REV1: variants seen among roughly 807,000 people sequenced by gnomAD.
REV1 encodes translesion synthesis protein REV1.
In REV1, 42 loss-of-function variants were observed where a neutral mutation model predicts 137.4. That is an observed-to-expected ratio of 0.31 (90% CI 0.24 to 0.40). The LOEUF is 0.40. Among genes scored for constraint, REV1 ranks in the 10% least tolerant of loss-of-function variants. REV1 has a pLI of 1.00. For missense variants in REV1, 1,282 were observed against 1,490.1 expected (o/e 0.86, Z 2.30); for synonymous variants, 524 against 519.2 (o/e 1.01, Z -0.12).
intron 9 of REV1, among the ~76,000 whole-genome samples, chr2:99,425,760 G>A (rs971028522): frequency 6.6e-6 from 1 of 152,178 alleles, no homozygotes; most frequent in African/African-American, 2.4e-5. Context: ...TATAAGGCCG[G>A]GCACAGTGGC....
In REV1 at chr2:99,432,209, G is replaced by T. The variant is rs771180203; in HGVS notation, c.1438+2123C>A. ...GATGGATGAGATACCCTGGTTGCAC[G>T]GGGCTAATTAAAGAGTTTTTGGATA... On this transcript the variant is annotated intron_variant, in intron 8 of 22. Transcript: ENST00000258428. Among the ~76,000 whole-genome samples the T allele has an allele frequency of 3.3e-5, 5 of 152,112 alleles. 1 individual carries two copies. The highest frequency in any genetic ancestry group is 1.2e-4 in the African/African-American group (5 of 41,424).
At chr2:99,434,503 T>C (rs565678468) in intron 7 of REV1, 55 bp from the exon 8 acceptor site, 9 of 1,190,962 alleles carry the variant, frequency 7.6e-6, no homozygotes, top group Non-Finnish European at 9.3e-6. Context: ...GTTAACAACA[T>C]GTAAGCAAAA....
At chr2:99,408,337 TG>T (rs1676629670) in intron 14 of REV1, 3 of 370,154 alleles carry the variant, frequency 8.1e-6, no homozygotes, top group African/African-American at 4.2e-5. Context: ...AGAAAAATTA[TG>T]GAACACTAGA....
At position 99,446,525 on chromosome 2, in the gene REV1, C is replaced by T. The variant is rs565119764; in HGVS notation, c.350+2811G>A. Among the ~76,000 whole-genome samples the T allele has an allele frequency of 3.4e-3, 518 of 152,216 alleles. 3 individuals are homozygous for T. Among genetic ancestry groups the T allele is most frequent in the African/African-American group, 0.011 (445 of 41,520 alleles). Reference sequence around the variant, plus strand: ...CTTTTTCTTTTTTTTGAGACAGTCTCGCTCTACCACCCAGGCTGGAGTGTA... The same window carrying T: ...CTTTTTCTTTTTTTTGAGACAGTCTTGCTCTACCACCCAGGCTGGAGTGTA... On this transcript the variant is annotated intron_variant, in intron 4 of 22. Coordinates refer to ENST00000258428, the MANE Select transcript of REV1 (RefSeq NM_016316.4).
chr2:99,404,738 G>A, intron 17 of REV1, 61 bp from the exon 18 acceptor site: 1 of 1,072,270 alleles, frequency 9.3e-7, no homozygotes, highest in East Asian at 2.4e-5. Flanking sequence ...AGGTGTTTGG[G>A]AGTTAACACG....
chr2:99,420,493 A>G (rs762577592), intron 11 of REV1, among the ~76,000 whole-genome samples: 2 of 152,172 alleles, frequency 1.3e-5, no homozygotes, highest in African/African-American at 2.4e-5. Context: ...TGCCTTTCTG[A>G]AAAAAACCCT....
chr2:99,420,470 C>T (rs1399479028), intron 11 of REV1, among the ~76,000 whole-genome samples: 2 of 152,220 alleles, frequency 1.3e-5, no homozygotes, highest in Non-Finnish European at 2.9e-5. Flanking sequence ...AAAGTGTTTC[C>T]TCAGCCCTGC....
At chr2:99,481,391 A>T (rs895200833) in intron 1 of REV1, among the ~76,000 whole-genome samples, 1 of 151,434 alleles carries the variant, frequency 6.6e-6, no homozygotes, top group Non-Finnish European at 1.5e-5. Context: ...TTGTATCAAT[A>T]AAAAAAATGT....
intron 1 of REV1, among the ~76,000 whole-genome samples, chr2:99,471,889 TAAAAAAA>T (rs947603744): frequency 1.1e-5 from 1 of 93,428 alleles, no homozygotes; most frequent in African/African-American, 4.0e-5. Flanking sequence ...TAGCTACTAT[TAAAAAAA>T]AAAAAAAAAA....
At chr2:99,457,898 G>C (rs557913710) in intron 3 of REV1, among the ~76,000 whole-genome samples, 9 of 151,794 alleles carry the variant, frequency 5.9e-5, no homozygotes, top group African/African-American at 2.2e-4. Flanking sequence ...ACCAAAATAT[G>C]CCTAACTGAC....
chr2:99,443,805 C>A (rs377407501), intron 4 of REV1, among the ~76,000 whole-genome samples: 2 of 151,872 alleles, frequency 1.3e-5, no homozygotes, highest in Non-Finnish European at 2.9e-5. Flanking sequence ...CCCTAAAATT[C>A]GACTATTTTT....
At chr2:99,435,967 A>T in intron 6 of REV1, 26 bp from the exon 7 acceptor site, 1 of 1,279,048 alleles carries the variant, frequency 7.8e-7, no homozygotes. Context: ...CAGCATTCAA[A>T]CCCCAAGCTA....
chr2:99,438,698 G>A lies in REV1; in HGVS notation c.1116C>T (p.Val372=). The change falls in exon 6 of 23, where the codon GTC becomes GTT. Residue 372 remains valine (V), a synonymous_variant. Coordinates refer to ENST00000258428, the MANE Select transcript of REV1 (RefSeq NM_016316.4). The part of the protein sequence containing the change: ...SMWKCELTEF[V]NTLQRQSNGI... ...CATTACTTTGTCTTTGTAGGGTATT[G>A]ACAAACTCAGTCAATTCACACTTCC... The A allele has an allele frequency of 6.2e-7, 1 of 1,614,056 alleles. No individual in the cohort carries two copies. Among genetic ancestry groups the A allele is most frequent in the Non-Finnish European group, 8.5e-7 (1 of 1,179,966 alleles).
chr2:99,454,355 A>T (rs899230876), intron 3 of REV1, among the ~76,000 whole-genome samples: 1 of 151,940 alleles, frequency 6.6e-6, no homozygotes, highest in Non-Finnish European at 1.5e-5. Flanking sequence ...TTCAAGACCA[A>T]GTCTGACCAA....
In REV1 at chr2:99,462,697, A is replaced by T. The variant is rs551506222; in HGVS notation, c.55-75T>A. On this transcript the variant is annotated intron_variant, in intron 2 of 22. Coordinates refer to ENST00000258428, the MANE Select transcript of REV1 (RefSeq NM_016316.4). ...CCCTTTTTTGAAAAAAAAAAATTTT[A>T]AAAACTAAATAAATAAATGGACCTT... 4.1e-3 allele frequency: 5,974 copies of T among 1,439,826 alleles called. 24 individuals carry two copies. Among genetic ancestry groups the T allele is most frequent in the Non-Finnish European group, 5.1e-3 (5,303 of 1,048,984 alleles). 89.2% of individuals were successfully genotyped at this position (1,439,826 alleles called of 1,614,324 possible).
intron 2 of REV1, 52 bp from the exon 3 acceptor site, chr2:99,462,674 C>T: frequency 1.9e-6 from 3 of 1,563,254 alleles, no homozygotes; most frequent in South Asian, 2.5e-5. Flanking sequence ...TTTCTCCCCC[C>T]TTTTTTGAAA....
intron 1 of REV1, among the ~76,000 whole-genome samples, chr2:99,473,535 G>A (rs936776421): frequency 3.9e-5 from 6 of 152,098 alleles, no homozygotes; most frequent in African/African-American, 1.2e-4. Flanking sequence ...ATAGTGCTGC[G>A]TGTCTTTCAT....
At chr2:99,442,588 T>TAG (rs1426631396) in intron 4 of REV1, 119 bp from the exon 5 acceptor site, 2 of 930,604 alleles carry the variant, frequency 2.1e-6, no homozygotes, top group African/African-American at 3.3e-5. Context: ...TCTGTTTTCC[T>TAG]AGTTTATTCC....
At chr2:99,443,895 T>C (rs1431139818) in intron 4 of REV1, among the ~76,000 whole-genome samples, 2 of 151,924 alleles carry the variant, frequency 1.3e-5, no homozygotes, top group Admixed American at 1.3e-4. Context: ...CAGGCTGGAG[T>C]GCAGTGGCGC....
Sources: gnomAD v4.1 joint callset for allele counts (sites outside exome capture counted in the v4.1 genomes callset) on GRCh38, gnomAD v4.1.1 for gene constraint, MANE v1.5 for transcripts, NCBI Gene and HGNC (gene_info 2026-07-23, HGNC 2026-07-21) for gene names.